CLVS1: variants seen among roughly 807,000 people sequenced by gnomAD.
CLVS1 encodes clavesin 1.
Under a neutral mutation model 33.1 loss-of-function variants are expected in CLVS1, and 10 were observed. The ratio of observed to expected loss-of-function variants is 0.30; its 90% CI spans 0.19 to 0.51. The LOEUF is 0.51. Among genes scored for constraint, CLVS1 ranks in the 20% least tolerant of loss-of-function variants. CLVS1 has a pLI of 0.97. For synonymous variants in CLVS1, 163 were observed against 166.1 expected (o/e 0.98, Z 0.14); for missense variants, 343 against 433.4 (o/e 0.79, Z 1.85).
intron 2 of CLVS1, among the ~76,000 whole-genome samples, chr8:61,329,439 G>A (rs192614286): frequency 6.6e-6 from 1 of 152,126 alleles, no homozygotes; most frequent in Admixed American, 6.5e-5. Context: ...AATCAACCTG[G>A]TATTCAATAG....
intron 1 of CLVS1, chr8:61,292,599 C>G: frequency 3.1e-6 from 1 of 319,878 alleles, no homozygotes; most frequent in South Asian, 2.7e-5. Context: ...CCATTGATAC[C>G]CCTAGGAAGC....
intron 1 of CLVS1, among the ~76,000 whole-genome samples, chr8:61,061,139 A>G (rs920232497): frequency 2.0e-5 from 3 of 151,966 alleles, no homozygotes; most frequent in African/African-American, 7.3e-5. Flanking sequence ...ATAAAACAGA[A>G]CTCCAGCTTC....
At chr8:61,396,616 C>A (rs1281221769) in intron 3 of CLVS1, among the ~76,000 whole-genome samples, 2 of 152,150 alleles carry the variant, frequency 1.3e-5, no homozygotes, top group Non-Finnish European at 2.9e-5. Flanking sequence ...GTGTAACCAT[C>A]ATCACAATTT....
chr8:61,009,817 A>C, the CLVS1 span, among the ~76,000 whole-genome samples: 7 of 152,206 alleles, frequency 4.6e-5, no homozygotes, highest in Admixed American at 3.3e-4. Context: ...TGTTCTCTTT[A>C]AGTTTCTGAA....
chr8:61,115,466 A>G (rs1024978817), intron 1 of CLVS1, among the ~76,000 whole-genome samples: 1 of 151,828 alleles, frequency 6.6e-6, no homozygotes, highest in East Asian at 1.9e-4. Context: ...ATGCTGGTGC[A>G]CTGCACCCAC....
intron 2 of CLVS1, among the ~76,000 whole-genome samples, chr8:61,349,837 T>G (rs1812375231): frequency 6.6e-6 from 1 of 152,144 alleles, no homozygotes; most frequent in African/African-American, 2.4e-5. Context: ...GATTGCCTCC[T>G]GGCTCTCTAG....
intron 5 of CLVS1, among the ~76,000 whole-genome samples, chr8:61,495,523 C>T (rs895532951): frequency 6.6e-6 from 1 of 152,110 alleles, no homozygotes; most frequent in African/African-American, 2.4e-5. Flanking sequence ...ACACAAAAGT[C>T]CCAGATAATC....
At chr8:61,153,025 G>C (rs556543093) in intron 2 of CLVS1, among the ~76,000 whole-genome samples, 47 of 152,180 alleles carry the variant, frequency 3.1e-4, no homozygotes, top group African/African-American at 1.1e-3. Context: ...AAAATTAGCT[G>C]GGCATGGTGG....
chr8:61,182,254 T>C (rs1439218496), intron 2 of CLVS1, among the ~76,000 whole-genome samples: 1 of 152,022 alleles, frequency 6.6e-6, no homozygotes, highest in Non-Finnish European at 1.5e-5. Context: ...GCAATACCAT[T>C]CAGGACATGG....
intron 5 of CLVS1, among the ~76,000 whole-genome samples, chr8:61,484,056 C>G (rs1174307681): frequency 4.6e-5 from 7 of 152,292 alleles, no homozygotes; most frequent in African/African-American, 1.7e-4. Flanking sequence ...CCTCTCTCAC[C>G]ACTCCTATTC....
rs376185436 is a variant in CLVS1, at chr8:61,232,022, G to GTTTTTTGTTTGTTTGTTT, written c.-151-67655_-151-67654insTTTTTTGTTTGTTTGTTT. Among the ~76,000 whole-genome samples, 464 of 117,026 alleles carry GTTTTTTGTTTGTTTGTTT rather than the reference G, an allele frequency of 4.0e-3. 25 individuals carry two copies. Among genetic ancestry groups the GTTTTTTGTTTGTTTGTTT allele is most frequent in the African/African-American group, 5.7e-3 (128 of 22,328 alleles). The allele number at this position is 117,026 out of a possible 152,430, so 76.8% of individuals were successfully genotyped here. On this transcript the variant is annotated intron_variant, in intron 2 of 2. Transcript: ENST00000522621. ...GAGAAGGAGCCCTGAGGAAAGTTGT[G>GTTTTTTGTTTGTTTGTTT]GTTTTTTTTTTTTTTTTTTTTTTTT...
chr8:61,083,497 C>G (rs1805061385), intron 1 of CLVS1, among the ~76,000 whole-genome samples: 1 of 152,090 alleles, frequency 6.6e-6, no homozygotes, highest in African/African-American at 2.4e-5. Flanking sequence ...AGGGAGAACA[C>G]AAAGACTGAG....
intron 2 of CLVS1, among the ~76,000 whole-genome samples, chr8:61,153,984 T>G (rs1806598864): frequency 6.6e-6 from 1 of 152,154 alleles, no homozygotes; most frequent in South Asian, 2.1e-4. Flanking sequence ...ATCCCTAGGT[T>G]TTTAAGAGTG....
chr8:61,257,094 T>C (rs147649481), intron 2 of CLVS1, among the ~76,000 whole-genome samples: 92 of 152,304 alleles, frequency 6.0e-4, no homozygotes, highest in African/African-American at 1.8e-3. Flanking sequence ...ACACATACAT[T>C]TTATAATGGG....
chr8:61,124,651 A>G (rs1805938925), intron 1 of CLVS1, among the ~76,000 whole-genome samples: 1 of 152,174 alleles, frequency 6.6e-6, no homozygotes, highest in South Asian at 2.1e-4. Context: ...GAAGTCACTT[A>G]TGGCTGATGA....
At chr8:61,145,710 C>G (rs889267574) in intron 2 of CLVS1, among the ~76,000 whole-genome samples, 1 of 152,164 alleles carries the variant, frequency 6.6e-6, no homozygotes, top group Non-Finnish European at 1.5e-5. Flanking sequence ...CCAACCCCTC[C>G]CCTCGGGCAA....
At chr8:60,980,909 G>A in the CLVS1 span, among the ~76,000 whole-genome samples, 2 of 132,954 alleles carry the variant, frequency 1.5e-5, no homozygotes, top group Non-Finnish European at 3.4e-5. Flanking sequence ...CCTCATAAGA[G>A]AGAGGCAGAG....
chr8:60,978,643 C>T, the CLVS1 span, among the ~76,000 whole-genome samples: 2,408 of 151,588 alleles, frequency 0.016, 62 homozygotes, highest in African/African-American at 0.049. Flanking sequence ...GGTGAAACCC[C>T]GTCTCTACTA....
At chr8:61,200,954 A>G (rs750931245) in intron 2 of CLVS1, among the ~76,000 whole-genome samples, 31 of 152,176 alleles carry the variant, frequency 2.0e-4, no homozygotes, top group Non-Finnish European at 4.1e-4. Context: ...TTGGGGTTGG[A>G]AAATGTTTTC....
Sources: gnomAD v4.1 joint callset for allele counts (sites outside exome capture counted in the v4.1 genomes callset) on GRCh38, gnomAD v4.1.1 for gene constraint, MANE v1.5 for transcripts, NCBI Gene and HGNC (gene_info 2026-07-23, HGNC 2026-07-21) for gene names.